ARHGAP22: variants seen among roughly 807,000 people sequenced by gnomAD.
ARHGAP22 encodes the protein Rho GTPase activating protein 22, also known as rho GTPase-activating protein 22.
A neutral mutation model predicts 59.1 loss-of-function variants in ARHGAP22; 48 were observed. That is an observed-to-expected ratio of 0.81 (90% CI 0.64 to 1.03). The LOEUF (loss-of-function observed/expected upper bound fraction) is 1.03, where lower values mean the gene tolerates loss of function less well. Ranked by LOEUF, ARHGAP22 falls within the 50% of genes least tolerant of loss-of-function variation. ARHGAP22 has a pLI of 0.00. For missense variants in ARHGAP22, 1,015 were observed against 958.7 expected (o/e 1.06, Z -0.78); for synonymous variants, 445 against 416.4 (o/e 1.07, Z -0.84).
At chr10:48,486,710 A>C (rs2049897100) in intron 3 of ARHGAP22, among the ~76,000 whole-genome samples, 1 of 152,186 alleles carries the variant, frequency 6.6e-6, no homozygotes, top group Non-Finnish European at 1.5e-5. Flanking sequence ...TGTTGTGTAG[A>C]TTCAGATTCC....
intron 1 of ARHGAP22, among the ~76,000 whole-genome samples, chr10:48,594,017 G>T (rs1278283058): frequency 6.6e-6 from 1 of 152,180 alleles, no homozygotes; most frequent in African/African-American, 2.4e-5. Context: ...TTAAATGAAA[G>T]AGCTCTTTTG....
rs527304458 is a variant in ARHGAP22 at position 48,645,590 on chromosome 10, A to C, written c.52+6644T>G. Among the ~76,000 whole-genome samples the C allele has an allele frequency of 3.3e-5, 5 of 152,338 alleles. No homozygotes were observed. The East Asian group carries it at 9.6e-4, about 29-fold the overall frequency. On this transcript the variant is annotated intron_variant, in intron 1 of 9. Coordinates refer to the ARHGAP22 transcript ENST00000435790. The stretch of plus-strand genomic sequence containing the variant: ...AGAAAAGCATCTGACAAAATCCAAT[A>C]GCCATTCATGATTTTAAAAAACAAC...
intron 4 of ARHGAP22, among the ~76,000 whole-genome samples, chr10:48,479,419 T>C (rs564542441): frequency 6.6e-6 from 1 of 152,182 alleles, no homozygotes; most frequent in African/African-American, 2.4e-5. Context: ...TTTAGATGTC[T>C]AATACACAGT....
chr10:48,461,885 G>A (rs2047167950), intron 4 of ARHGAP22, among the ~76,000 whole-genome samples: 1 of 152,194 alleles, frequency 6.6e-6, no homozygotes, highest in East Asian at 1.9e-4. Flanking sequence ...TAAAAGTGGG[G>A]CTCCATTTGT....
chr10:48,576,847 G>A (rs903663656), intron 2 of ARHGAP22, among the ~76,000 whole-genome samples: 5 of 151,964 alleles, frequency 3.3e-5, no homozygotes, highest in Non-Finnish European at 7.4e-5. Flanking sequence ...ATTGTCTGTG[G>A]AATTCCTAGC....
intron 1 of ARHGAP22, among the ~76,000 whole-genome samples, chr10:48,633,872 T>C (rs747597082): frequency 6.6e-6 from 1 of 152,174 alleles, no homozygotes; most frequent in Non-Finnish European, 1.5e-5. Flanking sequence ...GGAGAGCCTT[T>C]CCTAACTGAA....
At chr10:48,654,063 C>T (rs957052215), upstream of ARHGAP22, among the ~76,000 whole-genome samples, 1 of 152,158 alleles carries the variant, frequency 6.6e-6, no homozygotes, top group Non-Finnish European at 1.5e-5. Flanking sequence ...AGGTAAGAAA[C>T]TTTCAATTGC....
chr10:48,608,759 C>T (rs1275406284), upstream of ARHGAP22, among the ~76,000 whole-genome samples: 1 of 152,178 alleles, frequency 6.6e-6, no homozygotes, highest in Non-Finnish European at 1.5e-5. Context: ...AATGACATAA[C>T]TGATTGTTAA....
chr10:48,521,575 AATG>A (rs368101577), intron 3 of ARHGAP22, among the ~76,000 whole-genome samples: 4 of 152,216 alleles, frequency 2.6e-5, no homozygotes, highest in African/African-American at 9.6e-5. Flanking sequence ...CTTTAATTGA[AATG>A]ATATCAATGA....
intron 2 of ARHGAP22, among the ~76,000 whole-genome samples, chr10:48,576,320 C>T (rs2058709517): frequency 1.3e-5 from 2 of 152,224 alleles, no homozygotes; most frequent in African/African-American, 4.8e-5. Context: ...GAGCCCCTGG[C>T]CTGGCCTCCC....
chr10:48,654,873 TTCTTTCTTTC>T (rs1358051582), upstream of ARHGAP22, among the ~76,000 whole-genome samples: 1 of 147,394 alleles, frequency 6.8e-6, no homozygotes, highest in Non-Finnish European at 1.5e-5. Flanking sequence ...CTTTCCTTCT[TTCTTTCTTTC>T]TCTTTCTTTT....
chr10:48,559,285 C>T (rs1485618163), intron 2 of ARHGAP22, among the ~76,000 whole-genome samples: 4 of 152,046 alleles, frequency 2.6e-5, no homozygotes, highest in Non-Finnish European at 5.9e-5. Context: ...TGATAGATTT[C>T]CACAAATGTT....
At chr10:48,549,062 G>A (rs1387011444) in intron 3 of ARHGAP22, among the ~76,000 whole-genome samples, 1 of 152,168 alleles carries the variant, frequency 6.6e-6, no homozygotes, top group South Asian at 2.1e-4. Flanking sequence ...GGATAAACGT[G>A]GTGTGCTCAG....
rs2045824191 is a variant in ARHGAP22, at chr10:48,450,577, T to C, written c.1552A>G (p.Ser518Gly). The change falls in exon 9 of 10, where the codon AGC becomes GGC. Residue 518 changes from serine to glycine, a missense_variant. Transcript: ENST00000249601. ...ASMAWSGASSSESSVGGSLSS... is the reference protein window; with the variant it reads ...ASMAWSGASSGESSVGGSLSS... ...AGTGAGCCCCCCACCGACGACTCGC[T>C]GGACGAGGCCCCGGACCACGCCATA... 2 of 1,538,226 alleles carry C rather than the reference T, an allele frequency of 1.3e-6. No individual in the cohort carries two copies. Among genetic ancestry groups the C allele is most frequent in the African/African-American group, 1.4e-5 (1 of 72,984 alleles).
chr10:48,605,053 A>C lies in ARHGAP22; in HGVS notation c.-257T>G. ...CCAAGCGGACCATTAAAGCCTCAGT[A>C]ATCACTGCTGATCAATCACTGGACC... On this transcript the variant is annotated 5_prime_UTR_variant, in exon 1 of 10. In the 5' UTR this introduces an upstream ATG that the reference lacks. Transcript: ENST00000249601. 7.1e-7 allele frequency: 1 copy of C among 1,411,028 alleles called. No individual in the cohort carries two copies. The highest frequency in any genetic ancestry group is 2.6e-5 in the East Asian group (1 of 38,074). 87.4% of individuals were successfully genotyped at this position (1,411,028 alleles called of 1,614,324 possible). A position where few individuals can be genotyped will look rare whatever the true frequency, so the allele number is the denominator to read the frequency against.
chr10:48,601,464 A>G (rs57105029), intron 1 of ARHGAP22, among the ~76,000 whole-genome samples: 4,280 of 152,230 alleles, frequency 0.028, 187 homozygotes, highest in African/African-American at 0.093. Flanking sequence ...TTCTTTTGGT[A>G]TTACTTCTAT....
chr10:48,651,758 C>G (rs1195032995), intron 1 of ARHGAP22, among the ~76,000 whole-genome samples: 1 of 152,156 alleles, frequency 6.6e-6, no homozygotes, highest in Non-Finnish European at 1.5e-5. Flanking sequence ...AACAGACAGT[C>G]ACAGCCATCC....
At chr10:48,579,492 T>A (rs11101389) in intron 2 of ARHGAP22, among the ~76,000 whole-genome samples, 45,633 of 152,186 alleles carry the variant, frequency 0.3, 7,747 homozygotes, top group East Asian at 0.74. Context: ...CAGGCTCTGC[T>A]GTGACATGCC....
intron 4 of ARHGAP22, among the ~76,000 whole-genome samples, chr10:48,465,849 C>T (rs2047607994): frequency 6.6e-6 from 1 of 152,150 alleles, no homozygotes; most frequent in Non-Finnish European, 1.5e-5. Flanking sequence ...GCTCTCGGGT[C>T]CCCTGTACCC....
Sources: gnomAD v4.1 joint callset for allele counts (sites outside exome capture counted in the v4.1 genomes callset) on GRCh38, gnomAD v4.1.1 for gene constraint, MANE v1.5 for transcripts, NCBI Gene and HGNC (gene_info 2026-07-23, HGNC 2026-07-21) for gene names.